The following KIAA1217 variants were observed in gnomAD, a reference collection of about 807,000 sequenced individuals.
The protein encoded by KIAA1217 is KIAA1217.
Under a neutral mutation model 163.9 loss-of-function variants are expected in KIAA1217, and 88 were observed. The observed-to-expected ratio is 0.54, with a 90% CI of 0.45 to 0.64. The LOEUF is 0.64. Ranked by LOEUF, KIAA1217 falls within the 30% of genes least tolerant of loss-of-function variation. KIAA1217 has a pLI of 0.00. For synonymous variants in KIAA1217, 903 were observed against 923.1 expected (o/e 0.98, Z 0.39); for missense variants, 2,372 against 2,475.0 (o/e 0.96, Z 0.88).
intron 2 of KIAA1217, among the ~76,000 whole-genome samples, chr10:24,254,250 G>A (rs1260227362): frequency 1.3e-5 from 2 of 152,186 alleles, no homozygotes; most frequent in Non-Finnish European, 2.9e-5. Flanking sequence ...TTAACACCGG[G>A]CATTGTTCAA....
At chr10:24,227,507 A>G (rs2070748677) in intron 2 of KIAA1217, among the ~76,000 whole-genome samples, 1 of 151,006 alleles carries the variant, frequency 6.6e-6, no homozygotes, top group African/African-American at 2.4e-5. Flanking sequence ...ATAAGGAGAT[A>G]AGAAAATGAA....
rs1031872668 is a variant in KIAA1217, at chr10:24,436,712, G to A, written c.753-1674G>A. Among the ~76,000 whole-genome samples, 6 of 140,686 alleles carry A rather than the reference G, an allele frequency of 4.3e-5. No individual in the cohort carries two copies. In the South Asian group the frequency reaches 6.8e-4, roughly 16 times the overall value. 92.3% of individuals were successfully genotyped at this position (140,686 alleles called of 152,430 possible). ...AGCGGAACTCACAGTGAGCCGAGAC[G>A]GTGCCACTGCACTCCAGCCTGGGCG... is the stretch of plus-strand genomic sequence containing the variant. On this transcript the variant is annotated intron_variant, in intron 4 of 20. Coordinates refer to ENST00000376454, the MANE Select transcript of KIAA1217 (RefSeq NM_019590.5).
intron 1 of KIAA1217, among the ~76,000 whole-genome samples, chr10:23,793,275 C>T (rs1306187327): frequency 2.6e-5 from 4 of 152,178 alleles, no homozygotes; most frequent in African/African-American, 9.7e-5. Context: ...CAGAAAACCC[C>T]TTTCTACTCA....
intron 12 of KIAA1217, among the ~76,000 whole-genome samples, chr10:24,522,768 G>C (rs1433610269): frequency 6.6e-6 from 1 of 152,208 alleles, no homozygotes; most frequent in Non-Finnish European, 1.5e-5. Context: ...AGCTGAGGTG[G>C]GTGGATCACT....
At position 24,040,685 on chromosome 10, in the gene KIAA1217, C is replaced by T. The variant is rs563848805; in HGVS notation, c.-171+33311C>T. 7.9e-5 allele frequency among the ~76,000 whole-genome samples: 12 copies of T among 152,244 alleles called. No homozygotes were observed. The East Asian group carries it at 2.1e-3, about 27-fold the overall frequency. ...GGTTTACTCCCACATTTTTTCCTCCCAGTTTATAGGGCTGAGATTATGAGT... is the reference window on the plus strand; with the variant it reads ...GGTTTACTCCCACATTTTTTCCTCCTAGTTTATAGGGCTGAGATTATGAGT... On this transcript the variant is annotated intron_variant, in intron 2 of 18. Transcript: ENST00000376462.
intron 2 of KIAA1217, among the ~76,000 whole-genome samples, chr10:24,234,136 A>G (rs1183957344): frequency 6.6e-6 from 1 of 152,166 alleles, no homozygotes; most frequent in African/African-American, 2.4e-5. Flanking sequence ...CCAAAATGAA[A>G]TGTTCCCAAA....
intron 2 of KIAA1217, among the ~76,000 whole-genome samples, chr10:24,076,932 G>A (rs1238908096): frequency 6.8e-6 from 1 of 148,148 alleles, no homozygotes; most frequent in African/African-American, 2.5e-5. Context: ...GCTAGTGTGC[G>A]ACAGTGCAAT....
intron 2 of KIAA1217, among the ~76,000 whole-genome samples, chr10:24,060,517 A>C (rs775864833): frequency 1.3e-5 from 2 of 152,216 alleles, no homozygotes; most frequent in Non-Finnish European, 2.9e-5. Context: ...AGACTTGGCC[A>C]AACACAGTGG....
At chr10:24,491,518 G>T (rs12266842) in intron 6 of KIAA1217, among the ~76,000 whole-genome samples, 39,922 of 151,882 alleles carry the variant, frequency 0.26, 5,488 homozygotes, top group Non-Finnish European at 0.27. Context: ...TCGAACTCTT[G>T]ACCTCAAGTG....
intron 1 of KIAA1217, among the ~76,000 whole-genome samples, chr10:23,847,458 G>A (rs1468467104): frequency 6.6e-6 from 1 of 151,970 alleles, no homozygotes; most frequent in Non-Finnish European, 1.5e-5. Context: ...AACTCGGGAG[G>A]GTGTATGTGT....
intron 1 of KIAA1217, among the ~76,000 whole-genome samples, chr10:23,866,977 C>A (rs997097600): frequency 6.7e-6 from 1 of 149,626 alleles, no homozygotes; most frequent in African/African-American, 2.5e-5. Flanking sequence ...TTAGGTATAT[C>A]TCCTAAAGCT....
At chr10:23,776,750 G>A (rs529111604) in intron 1 of KIAA1217, among the ~76,000 whole-genome samples, 2 of 140,986 alleles carry the variant, frequency 1.4e-5, no homozygotes, top group Non-Finnish European at 3.0e-5. Context: ...GTGTGATCTC[G>A]GCTCACTGCA....
intron 2 of KIAA1217, among the ~76,000 whole-genome samples, chr10:24,196,947 A>G (rs1465576662): frequency 6.6e-6 from 1 of 152,114 alleles, no homozygotes; most frequent in East Asian, 1.9e-4. Flanking sequence ...TTACCCAACA[A>G]ATATTTCTGG....
chr10:23,919,994 C>T (rs577450498), intron 1 of KIAA1217, among the ~76,000 whole-genome samples: 78 of 152,246 alleles, frequency 5.1e-4, no homozygotes, highest in African/African-American at 1.8e-3. Flanking sequence ...ATGCCAATCC[C>T]AGGGTCAGTC....
At chr10:24,149,376 T>G (rs1476556292) in intron 2 of KIAA1217, among the ~76,000 whole-genome samples, 1 of 151,700 alleles carries the variant, frequency 6.6e-6, no homozygotes, top group Non-Finnish European at 1.5e-5. Flanking sequence ...TAGAGACGAG[T>G]TTCACCCATG....
intron 1 of KIAA1217, among the ~76,000 whole-genome samples, chr10:23,951,580 G>A (rs1444779529): frequency 1.3e-5 from 2 of 152,142 alleles, no homozygotes; most frequent in Non-Finnish European, 2.9e-5. Flanking sequence ...TTGAGCCTGG[G>A]ACGTGGAAGC....
chr10:23,947,736 C>G (rs2131347968), intron 1 of KIAA1217, among the ~76,000 whole-genome samples: 1 of 152,192 alleles, frequency 6.6e-6, no homozygotes, highest in African/African-American at 2.4e-5. Flanking sequence ...GATGGGAACC[C>G]AATGGATAAA....
At chr10:24,354,819 G>A (rs978027878) in intron 2 of KIAA1217, among the ~76,000 whole-genome samples, 4 of 152,038 alleles carry the variant, frequency 2.6e-5, no homozygotes, top group Admixed American at 2.6e-4. Flanking sequence ...ACAGGATAGG[G>A]AGGCATGGCA....
In KIAA1217 at chr10:24,362,460, A is replaced by G. The variant is rs186720005; in HGVS notation, c.355-18409A>G. 4.6e-5 allele frequency among the ~76,000 whole-genome samples: 7 copies of G among 152,382 alleles called. No individual in the cohort carries two copies. In the East Asian group the frequency reaches 1.3e-3, roughly 29 times the overall value. ...AAAGGAAATGTGCTTCCACAGATTT[A>G]GAAACATAAGTAACAATCTAAGTTA... On this transcript the variant is annotated intron_variant, in intron 2 of 20. Transcript: ENST00000376454.
Sources: allele counts gnomAD v4.1 joint callset (sites outside exome capture counted in the v4.1 genomes callset), GRCh38; gene constraint gnomAD v4.1.1; transcripts MANE v1.5; gene names NCBI Gene and HGNC (gene_info 2026-07-23, HGNC 2026-07-21).